The following SCP2 variants were observed in gnomAD, a reference collection of about 807,000 sequenced individuals.
The protein encoded by SCP2 is SCP-2/3-oxoacyl-CoA thiolase.
Under a neutral mutation model 71.4 loss-of-function variants are expected in SCP2, and 48 were observed. The ratio of observed to expected loss-of-function variants is 0.67; its 90% CI spans 0.53 to 0.86. The LOEUF is 0.86. Among genes scored for constraint, SCP2 ranks in the 40% least tolerant of loss-of-function variants. The probability of loss-of-function intolerance (pLI) is 0.00; values close to 1 mark genes in which losing one functional copy is unlikely to be tolerated. For missense variants in SCP2, 560 were observed against 655.6 expected, an observed-to-expected ratio of 0.85 and a Z score of 1.59; for synonymous variants, 220 against 218.1, an observed-to-expected ratio of 1.01 and a Z score of -0.08.
intron 13 of SCP2, among the ~76,000 whole-genome samples, chr1:53,036,712 A>G (rs1662976626): frequency 6.6e-6 from 1 of 151,830 alleles, no homozygotes; most frequent in African/African-American, 2.4e-5. Flanking sequence ...TTTAAAAGAT[A>G]TATATCTTAA....
At chr1:53,015,677 C>G (rs1197894980) in intron 12 of SCP2, among the ~76,000 whole-genome samples, 2 of 152,228 alleles carry the variant, frequency 1.3e-5, no homozygotes, top group African/African-American at 4.8e-5. Flanking sequence ...GGTTATCTTT[C>G]CATTGACTCC....
intron 14 of SCP2, among the ~76,000 whole-genome samples, chr1:53,046,948 GGCTGAGGACAGCTTAGCTGGGTCCTCT>G (rs1348904878): frequency 6.6e-6 from 1 of 152,196 alleles, no homozygotes; most frequent in South Asian, 2.1e-4. Flanking sequence ...TGGATAAGTA[GGCTGAGGACAGCTTAGCTGGGTCCTCT>G]GCATAGAGTC....
chr1:52,932,786 A>G (rs1397480855), intron 1 of SCP2, among the ~76,000 whole-genome samples: 1 of 152,196 alleles, frequency 6.6e-6, no homozygotes, highest in Non-Finnish European at 1.5e-5. Context: ...TAGCATTAGT[A>G]TTGTTATGAG....
At chr1:52,967,252 A>G (rs1657053322) in intron 6 of SCP2, among the ~76,000 whole-genome samples, 1 of 152,038 alleles carries the variant, frequency 6.6e-6, no homozygotes, top group Non-Finnish European at 1.5e-5. Context: ...CTTTGAAACC[A>G]ACTGCTTTGT....
chr1:52,938,040 G>A (rs1653890236), intron 1 of SCP2, among the ~76,000 whole-genome samples: 1 of 152,220 alleles, frequency 6.6e-6, no homozygotes, highest in Admixed American at 6.5e-5. Context: ...TAGGTAAATT[G>A]TCATGCTGTT....
chr1:53,040,282 T>C (rs1354106247), intron 14 of SCP2, among the ~76,000 whole-genome samples: 1 of 152,206 alleles, frequency 6.6e-6, no homozygotes, highest in African/African-American at 2.4e-5. Context: ...TTGCACTGTA[T>C]GATCTGGCCT....
chr1:52,954,717 A>C (rs376418700), intron 4 of SCP2, 23 bp from the exon 5 acceptor site: 2 of 1,606,232 alleles, frequency 1.2e-6, no homozygotes, highest in African/African-American at 2.7e-5. Context: ...TGAATTTTCA[A>C]AATAATTACG....
chr1:52,995,647 G>A, intron 11 of SCP2: 2 of 659,120 alleles, frequency 3.0e-6, no homozygotes, highest in South Asian at 3.0e-5. Flanking sequence ...CACCGTGGCT[G>A]CTGTCTTTGT....
intron 1 of SCP2, among the ~76,000 whole-genome samples, chr1:52,928,159 C>T (rs953855308): frequency 6.6e-6 from 1 of 152,240 alleles, no homozygotes; most frequent in African/African-American, 2.4e-5. Context: ...GCCTCGGATC[C>T]TCCTGACTTT....
intron 11 of SCP2, chr1:52,996,090 T>A: frequency 2.6e-6 from 2 of 762,924 alleles, no homozygotes; most frequent in Non-Finnish European, 3.7e-6. Flanking sequence ...CTGCCCCTTT[T>A]CTCTACCTCA....
chr1:52,929,351 TA>T (rs201535080), intron 1 of SCP2, among the ~76,000 whole-genome samples: 1 of 151,610 alleles, frequency 6.6e-6, no homozygotes, highest in Non-Finnish European at 1.5e-5. Context: ...CCTGGCTAAT[TA>T]AAAAAAAATT....
intron 5 of SCP2, 34 bp downstream of exon 5, chr1:52,954,838 C>G (rs774216451): frequency 3.3e-6 from 5 of 1,505,940 alleles, no homozygotes; most frequent in Non-Finnish European, 4.6e-6. Flanking sequence ...ACTAAATGAG[C>G]TAATATAACC....
intron 11 of SCP2, among the ~76,000 whole-genome samples, chr1:52,989,230 A>G (rs1659258981): frequency 6.6e-6 from 1 of 152,224 alleles, no homozygotes; most frequent in South Asian, 2.1e-4. Context: ...CAGTGATGTT[A>G]TGGGAAGTGG....
chr1:52,978,847 T>A (rs1244848540), intron 9 of SCP2, among the ~76,000 whole-genome samples: 1 of 152,040 alleles, frequency 6.6e-6, no homozygotes, highest in Non-Finnish European at 1.5e-5. Context: ...CAGGCGTGAA[T>A]CACCACACAC....
chr1:52,954,631 C>G, intron 4 of SCP2, 109 bp from the exon 5 acceptor site: 1 of 913,812 alleles, frequency 1.1e-6, no homozygotes, highest in Non-Finnish European at 1.8e-6. Context: ...ACTATAAGTT[C>G]GAGCCATTGT....
At chr1:52,948,663 T>C (rs1423173443) in intron 3 of SCP2, among the ~76,000 whole-genome samples, 1 of 149,802 alleles carries the variant, frequency 6.7e-6, no homozygotes, top group Admixed American at 6.7e-5. Flanking sequence ...TTTCATTGAA[T>C]AAATGTATTA....
chr1:52,938,776 G>A (rs1039189079), intron 1 of SCP2, among the ~76,000 whole-genome samples: 7 of 152,062 alleles, frequency 4.6e-5, no homozygotes, highest in Admixed American at 2.6e-4. Flanking sequence ...TGTTATGATC[G>A]ATGAACATAC....
intron 12 of SCP2, among the ~76,000 whole-genome samples, chr1:53,015,673 C>G (rs1327724346): frequency 6.6e-6 from 1 of 152,192 alleles, no homozygotes; most frequent in Non-Finnish European, 1.5e-5. Context: ...ACTTGGTTAT[C>G]TTTCCATTGA....
In SCP2 at chr1:53,008,594, A is replaced by T. The variant is rs539117148; in HGVS notation, c.1082-6296A>T. Among the ~76,000 whole-genome samples, 9 of 152,322 alleles carry T rather than the reference A, an allele frequency of 5.9e-5. No individual in the cohort carries two copies. In the East Asian group the frequency reaches 1.5e-3, roughly 26 times the overall value. On this transcript the variant is annotated intron_variant, in intron 11 of 15. Transcript: ENST00000371514. ...AAATTCAACAGCCCATCATGCTAAA[A>T]ACTCTCAATAAACTAGGTATTGATT...
Sources: allele counts gnomAD v4.1 joint callset (sites outside exome capture counted in the v4.1 genomes callset), GRCh38; gene constraint gnomAD v4.1.1; transcripts MANE v1.5; gene names NCBI Gene and HGNC (gene_info 2026-07-23, HGNC 2026-07-21).